PHF21A: variants seen among roughly 807,000 people sequenced by gnomAD.
PHF21A encodes PHD finger protein 21A, also known as BHC80a.
In PHF21A, 11 loss-of-function variants were observed where a neutral mutation model predicts 82.5. The ratio of observed to expected loss-of-function variants is 0.13; its 90% CI spans 0.08 to 0.22. The LOEUF (loss-of-function observed/expected upper bound fraction) is 0.22, where lower values mean the gene tolerates loss of function less well. Among genes scored for constraint, PHF21A ranks in the 10% least tolerant of loss-of-function variants. The pLI is 1.00. For missense variants in PHF21A, 579 were observed against 837.8 expected, an observed-to-expected ratio of 0.69 and a Z score of 3.81; for synonymous variants, 297 against 302.8, an observed-to-expected ratio of 0.98 and a Z score of 0.20.
chr11:46,119,190 T>G (rs1852260959), intron 1 of PHF21A, among the ~76,000 whole-genome samples: 1 of 152,088 alleles, frequency 6.6e-6, no homozygotes, highest in South Asian at 2.1e-4. Context: ...TAAATGTTCT[T>G]CCCTCTCTAA....
At chr11:46,115,365 A>G (rs774801648) in intron 1 of PHF21A, among the ~76,000 whole-genome samples, 2 of 152,336 alleles carry the variant, frequency 1.3e-5, no homozygotes, top group East Asian at 1.9e-4. Context: ...TTTACAAAAG[A>G]TAACTATTCA....
At chr11:46,059,005 G>T (rs1268416372) in intron 6 of PHF21A, among the ~76,000 whole-genome samples, 1 of 152,172 alleles carries the variant, frequency 6.6e-6, no homozygotes, top group Non-Finnish European at 1.5e-5. Context: ...CTGCCCCAGG[G>T]TCACCCAAGA....
At chr11:45,969,174 T>A (rs2093622435) in intron 9 of PHF21A, among the ~76,000 whole-genome samples, 1 of 152,168 alleles carries the variant, frequency 6.6e-6, no homozygotes, top group Admixed American at 6.5e-5. Context: ...CTCTCAGCCT[T>A]CCTACCAAGG....
rs559133951 is a variant in PHF21A, at chr11:45,960,032, G to T, written c.996+5283C>A. Among the ~76,000 whole-genome samples the T allele has an allele frequency of 7.9e-5, 12 of 152,304 alleles. No homozygotes were observed. The South Asian group carries it at 2.5e-3, about 32-fold the overall frequency. ...AAATAAAACAAAAAGGAAAGTAATA[G>T]GTGTGGTAAGGATGCGGAGACAATG... On this transcript the variant is annotated intron_variant, in intron 10 of 18. Transcript: ENST00000676320.
chr11:46,091,888 A>G (rs2096929201), intron 2 of PHF21A, among the ~76,000 whole-genome samples: 1 of 152,174 alleles, frequency 6.6e-6, no homozygotes, highest in African/African-American at 2.4e-5. Flanking sequence ...TGACGTTTGA[A>G]TTCTCAACCA....
intron 7 of PHF21A, among the ~76,000 whole-genome samples, chr11:45,977,846 T>C (rs1041382222): frequency 7.3e-5 from 11 of 151,122 alleles, no homozygotes; most frequent in African/African-American, 2.7e-4. Context: ...TCTTCTTCTT[T>C]TTTTTTTTTT....
chr11:46,028,141 T>C (rs569356034), intron 6 of PHF21A, among the ~76,000 whole-genome samples: 117 of 152,008 alleles, frequency 7.7e-4, no homozygotes, highest in Non-Finnish European at 1.4e-3. Flanking sequence ...AAAAAAAGAA[T>C]TGAAAAAGTT....
chr11:46,043,856 T>C (rs2096205566), intron 6 of PHF21A, among the ~76,000 whole-genome samples: 1 of 152,178 alleles, frequency 6.6e-6, no homozygotes, highest in Non-Finnish European at 1.5e-5. Context: ...TTTCACTGTT[T>C]TTCAGACTTG....
At chr11:46,111,657 A>G (rs746727567) in intron 1 of PHF21A, among the ~76,000 whole-genome samples, 5 of 152,140 alleles carry the variant, frequency 3.3e-5, no homozygotes, top group Admixed American at 2.0e-4. Context: ...AGACATATAC[A>G]TTGCAGCTTA....
At chr11:45,995,106 A>C in intron 6 of PHF21A, among the ~76,000 whole-genome samples, 1 of 152,150 alleles carries the variant, frequency 6.6e-6, no homozygotes, top group Non-Finnish European at 1.5e-5. Flanking sequence ...AATTATTTCC[A>C]TCCCCTTTAT....
intron 6 of PHF21A, among the ~76,000 whole-genome samples, chr11:46,056,860 T>C (rs1050486829): frequency 4.6e-5 from 7 of 152,144 alleles, no homozygotes; most frequent in African/African-American, 1.7e-4. Context: ...CCCCCAGGAC[T>C]CAGTTCCATA....
intron 6 of PHF21A, among the ~76,000 whole-genome samples, chr11:46,008,839 A>C (rs955155966): frequency 3.3e-5 from 5 of 152,164 alleles, no homozygotes; most frequent in African/African-American, 1.2e-4. Flanking sequence ...ACTACAAAAT[A>C]ATCTTGTCAA....
At chr11:46,007,447 G>C (rs2095321315) in intron 6 of PHF21A, among the ~76,000 whole-genome samples, 1 of 151,724 alleles carries the variant, frequency 6.6e-6, no homozygotes, top group Non-Finnish European at 1.5e-5. Context: ...CTGAGTAGCT[G>C]GGTTTACAGG....
intron 12 of PHF21A, among the ~76,000 whole-genome samples, 158 bp downstream of exon 12, chr11:45,950,048 A>G (rs1417113107): frequency 1.3e-5 from 2 of 152,214 alleles, no homozygotes; most frequent in Non-Finnish European, 2.9e-5. Flanking sequence ...AGACAGAGGG[A>G]AGGCAATTTT....
intron 6 of PHF21A, among the ~76,000 whole-genome samples, chr11:46,035,602 A>C (rs987943676): frequency 2.0e-5 from 3 of 152,244 alleles, no homozygotes; most frequent in Admixed American, 1.3e-4. Context: ...GGAATAAGGT[A>C]CACTAGGGTA....
intron 1 of PHF21A, among the ~76,000 whole-genome samples, chr11:46,104,273 C>T (rs2097129892): frequency 6.6e-6 from 1 of 152,136 alleles, no homozygotes. Flanking sequence ...ATTTGCCAGA[C>T]CCAATGGACT....
chr11:45,965,263 A>C lies in PHF21A; in HGVS notation c.996+52T>G, dbSNP rs2093362879. The stretch of plus-strand genomic sequence containing the variant: ...TATTTAGAGAAAGCCCAGCAGCCAT[A>C]TGCCTCAACGACAAGGCTACTGCCC... On this transcript the variant is annotated intron_variant, in intron 10 of 18. Transcript: ENST00000676320. The C allele has an allele frequency of 4.0e-6, 6 of 1,500,742 alleles. No homozygotes were observed. The Admixed American group carries it at 1.1e-4, about 27-fold the overall frequency. 93.0% of individuals were successfully genotyped at this position (1,500,742 alleles called of 1,614,324 possible).
intron 6 of PHF21A, among the ~76,000 whole-genome samples, chr11:46,054,241 A>ACTC (rs894005849): frequency 6.6e-6 from 1 of 152,208 alleles, no homozygotes; most frequent in African/African-American, 2.4e-5. Flanking sequence ...GCTGAAAGTC[A>ACTC]GAGTATTAAT....
At chr11:46,041,375 G>A (rs551924021) in intron 6 of PHF21A, among the ~76,000 whole-genome samples, 11 of 152,268 alleles carry the variant, frequency 7.2e-5, no homozygotes, top group Admixed American at 5.9e-4. Flanking sequence ...GGCACTGTGC[G>A]TACTTCTTTC....
Sources: allele counts gnomAD v4.1 joint callset (sites outside exome capture counted in the v4.1 genomes callset), GRCh38; gene constraint gnomAD v4.1.1; transcripts MANE v1.5; gene names NCBI Gene and HGNC (gene_info 2026-07-23, HGNC 2026-07-21).